Variants in SPATA17 observed in about 807,000 individuals in gnomAD.
SPATA17 encodes spermatogenesis-associated protein 17.
SPATA17 carries 53 observed loss-of-function variants against 62.2 expected under a neutral mutation model. The observed-to-expected ratio is 0.85, with a 90% confidence interval of 0.68 to 1.07. The LOEUF (loss-of-function observed/expected upper bound fraction) is 1.07, where lower values mean the gene tolerates loss of function less well. Ranked by LOEUF, SPATA17 falls within the 50% of genes least tolerant of loss-of-function variation. The pLI, the probability that SPATA17 is intolerant of heterozygous loss-of-function variation, is 0.00. For missense variants in SPATA17, 466 were observed against 425.5 expected (o/e 1.10, Z -0.84); for synonymous variants, 146 against 146.8 (o/e 0.99, Z 0.04).
intron 3 of SPATA17, among the ~76,000 whole-genome samples, chr1:217,667,594 A>G (rs1670728429): frequency 6.6e-6 from 1 of 152,208 alleles, no homozygotes. Flanking sequence ...AAAGCCAGGA[A>G]TTGAACACAG....
chr1:217,717,028 A>T (rs931230876), intron 5 of SPATA17, among the ~76,000 whole-genome samples: 1 of 152,192 alleles, frequency 6.6e-6, no homozygotes, highest in Non-Finnish European at 1.5e-5. Context: ...AAGCCAGACC[A>T]CACTGCCTCT....
chr1:217,722,074 T>C (rs1672139435), intron 5 of SPATA17, among the ~76,000 whole-genome samples: 1 of 152,132 alleles, frequency 6.6e-6, no homozygotes, highest in Non-Finnish European at 1.5e-5. Flanking sequence ...CTTCTATTTC[T>C]CATTCCATGG....
At chr1:217,686,875 T>C (rs188310044) in intron 5 of SPATA17, among the ~76,000 whole-genome samples, 176 of 152,208 alleles carry the variant, frequency 1.2e-3, no homozygotes, top group Non-Finnish European at 2.1e-3. Flanking sequence ...CCTGCCACCA[T>C]GTCTGGATAA....
intron 6 of SPATA17, among the ~76,000 whole-genome samples, chr1:217,758,706 G>A (rs1673104981): frequency 6.6e-6 from 1 of 152,168 alleles, no homozygotes; most frequent in African/African-American, 2.4e-5. Flanking sequence ...ATGGAACTCA[G>A]ATGAGCAAGG....
At position 217,742,098 on chromosome 1, in the gene SPATA17, G is replaced by A; in HGVS notation, c.519G>A (p.Gln173=). 6.2e-7 allele frequency: 1 copy of A among 1,613,902 alleles called. No individual in the cohort carries two copies. The highest frequency in any genetic ancestry group is 1.1e-5 in the South Asian group (1 of 91,050). The change falls in exon 6 of 11, where the codon CAG becomes CAA. Residue 173 remains glutamine, a splice_region_variant and synonymous_variant. Coordinates refer to ENST00000366933, the MANE Select transcript of SPATA17 (RefSeq NM_138796.4). ...TGCATTACCTCCTCAGCACAAAGCA[G>A]GTTGGTTTACCTGTCCCTGACAGCT... ...RKMHYLLSTK[Q]IPGIYNSPFR... is the part of the protein sequence containing the mutation.
chr1:217,735,304 A>G (rs1672487623), intron 5 of SPATA17, among the ~76,000 whole-genome samples: 1 of 152,188 alleles, frequency 6.6e-6, no homozygotes, highest in Admixed American at 6.5e-5. Context: ...TCCATCTGGT[A>G]AGGGCACTCT....
intron 1 of SPATA17, among the ~76,000 whole-genome samples, chr1:217,642,182 G>A (rs772236788): frequency 3.3e-5 from 5 of 152,064 alleles, no homozygotes; most frequent in Non-Finnish European, 7.4e-5. Context: ...TAGATCACTT[G>A]ATAAAGCTGT....
At chr1:217,666,153 G>C (rs1163668339) in intron 3 of SPATA17, among the ~76,000 whole-genome samples, 1 of 151,898 alleles carries the variant, frequency 6.6e-6, no homozygotes, top group East Asian at 1.9e-4. Flanking sequence ...CTTTAAAGTA[G>C]ACTTGATATC....
intron 9 of SPATA17, among the ~76,000 whole-genome samples, chr1:217,816,900 G>A (rs1285266880): frequency 6.6e-6 from 1 of 151,920 alleles, no homozygotes; most frequent in African/African-American, 2.4e-5. Flanking sequence ...TGCTAAAATT[G>A]ATCTAGTTTT....
chr1:217,866,091 GA>G (rs529198704), intron 10 of SPATA17, among the ~76,000 whole-genome samples: 2 of 152,056 alleles, frequency 1.3e-5, no homozygotes, highest in Admixed American at 1.3e-4. Context: ...ACTGTGTATG[GA>G]AAAAAGTTCT....
intron 6 of SPATA17, among the ~76,000 whole-genome samples, chr1:217,749,793 T>C (rs1233226961): frequency 6.6e-6 from 1 of 151,554 alleles, no homozygotes; most frequent in Non-Finnish European, 1.5e-5. Context: ...CTGTTATCCA[T>C]AGGATAAAAT....
intron 9 of SPATA17, among the ~76,000 whole-genome samples, chr1:217,807,662 C>T (rs570239464): frequency 4.6e-4 from 69 of 151,540 alleles, no homozygotes; most frequent in African/African-American, 1.5e-3. Flanking sequence ...TATTACAATT[C>T]AATAAGGGCT....
chr1:217,697,703 T>C (rs1362664816), intron 5 of SPATA17, among the ~76,000 whole-genome samples: 1 of 152,104 alleles, frequency 6.6e-6, no homozygotes, highest in East Asian at 1.9e-4. Context: ...ACAGAAAACA[T>C]TTATTTCTCA....
At chr1:217,639,926 G>A (rs184936624) in intron 1 of SPATA17, among the ~76,000 whole-genome samples, 6 of 152,052 alleles carry the variant, frequency 3.9e-5, no homozygotes, top group African/African-American at 4.8e-5. Context: ...GGTTTTTGCC[G>A]TGGCCATCAA....
At chr1:217,763,882 G>A (rs1673235069) in intron 6 of SPATA17, among the ~76,000 whole-genome samples, 1 of 152,142 alleles carries the variant, frequency 6.6e-6, no homozygotes, top group South Asian at 2.1e-4. Flanking sequence ...TGAGGAGCTG[G>A]TGGTGCCATT....
Position 217,774,354 on chromosome 1 carries a change from A to G in SPATA17, c.540A>G (p.Ser180=), listed in dbSNP as rs1673535453. Residue 180 remains serine, a synonymous_variant, in exon 7 of 11, where the codon TCA becomes TCG. Coordinates refer to ENST00000366933, the MANE Select transcript of SPATA17 (RefSeq NM_138796.4). ...STKQIPGIYN[S]PFRKEPDPWE... ...TTTAGATTCCAGGAATATACAATTCACCCTTCAGAAAAGAGCCTGATCCAT... is the reference window on the plus strand; with the variant it reads ...TTTAGATTCCAGGAATATACAATTCGCCCTTCAGAAAAGAGCCTGATCCAT... The G allele has an allele frequency of 6.2e-7, 1 of 1,613,850 alleles. No homozygotes were observed. The highest frequency in any genetic ancestry group is 8.5e-7 in the Non-Finnish European group (1 of 1,179,812).
intron 5 of SPATA17, among the ~76,000 whole-genome samples, chr1:217,740,343 TTTTA>T (rs1434499858): frequency 6.6e-6 from 1 of 152,080 alleles, no homozygotes; most frequent in African/African-American, 2.4e-5. Flanking sequence ...TCTGGTTAAT[TTTTA>T]TTTTTTTCAT....
chr1:217,848,386 T>G (rs1675574236), intron 9 of SPATA17, among the ~76,000 whole-genome samples: 1 of 152,200 alleles, frequency 6.6e-6, no homozygotes, highest in Non-Finnish European at 1.5e-5. Flanking sequence ...TACTATCATC[T>G]CCATGTTTTC....
At chr1:217,823,066 G>T (rs1196266993) in intron 9 of SPATA17, among the ~76,000 whole-genome samples, 1 of 151,432 alleles carries the variant, frequency 6.6e-6, no homozygotes, top group Non-Finnish European at 1.5e-5. Context: ...GTGAGTTTTT[G>T]TTCATTGGAA....
Sources: gnomAD v4.1 joint callset for allele counts (sites outside exome capture counted in the v4.1 genomes callset) on GRCh38, gnomAD v4.1.1 for gene constraint, MANE v1.5 for transcripts, NCBI Gene and HGNC (gene_info 2026-07-23, HGNC 2026-07-21) for gene names.